Variants in DPP6 observed in about 807,000 individuals in gnomAD.
DPP6 encodes the protein dipeptidyl peptidase like 6, also known as A-type potassium channel modulatory protein DPP6.
Under a neutral mutation model 122.6 loss-of-function variants are expected in DPP6, and 69 were observed. That is an observed-to-expected ratio of 0.56 (90% CI 0.46 to 0.69). DPP6 has a LOEUF of 0.69. Among genes scored for constraint, DPP6 ranks in the 30% least tolerant of loss-of-function variants. The pLI, the probability that DPP6 is intolerant of heterozygous loss-of-function variation, is 0.00. For synonymous variants in DPP6, 418 were observed against 433.1 expected (o/e 0.97, Z 0.43); for missense variants, 928 against 1,116.9 (o/e 0.83, Z 2.41).
chr7:154,860,324 C>T (rs954763462), intron 17 of DPP6, among the ~76,000 whole-genome samples: 2 of 152,218 alleles, frequency 1.3e-5, no homozygotes, highest in Non-Finnish European at 2.9e-5. Flanking sequence ...CCACATGTCA[C>T]TGTCACGCTA....
chr7:154,219,533 G>A (rs1800185617), intron 1 of DPP6, among the ~76,000 whole-genome samples: 1 of 152,074 alleles, frequency 6.6e-6, no homozygotes, highest in Non-Finnish European at 1.5e-5. Flanking sequence ...GTTTAATATT[G>A]CAGCTGTCTT....
chr7:154,604,928 C>A lies in DPP6; in HGVS notation c.628-32893C>A, dbSNP rs12669416. Among the ~76,000 whole-genome samples the A allele has an allele frequency of 0.034, 4,122 of 119,626 alleles. 1,361 individuals are homozygous for A. In the East Asian group the frequency reaches 0.54, roughly 16 times the overall value. The allele number at this position is 119,626 out of a possible 152,430, so 78.5% of individuals were successfully genotyped here. A position where few individuals can be genotyped will look rare whatever the true frequency, so the allele number is the denominator to read the frequency against. On this transcript the variant is annotated intron_variant, in intron 5 of 25. Coordinates refer to ENST00000377770, the MANE Select transcript of DPP6 (RefSeq NM_130797.4). ...TTTCCATCCAATGTTAGCCCAGAAACCATGACAGCATGCACTTTAGTCTTC... is the reference window on the plus strand; with the variant it reads ...TTTCCATCCAATGTTAGCCCAGAAAACATGACAGCATGCACTTTAGTCTTC...
chr7:153,997,999 G>A (rs1797522818), intron 1 of DPP6, among the ~76,000 whole-genome samples: 1 of 151,608 alleles, frequency 6.6e-6, no homozygotes, highest in South Asian at 2.1e-4. Flanking sequence ...CCTGAAGAAA[G>A]GTCCAGCACC....
chr7:154,310,751 A>C (rs1025876411), intron 1 of DPP6, among the ~76,000 whole-genome samples: 3 of 152,192 alleles, frequency 2.0e-5, no homozygotes, highest in African/African-American at 7.2e-5. Flanking sequence ...AAGTGTTAAG[A>C]TGCTAATCAC....
intron 1 of DPP6, among the ~76,000 whole-genome samples, chr7:153,994,771 G>A (rs75053126): frequency 6.6e-6 from 1 of 151,774 alleles, no homozygotes; most frequent in Non-Finnish European, 1.5e-5. Context: ...TTGACTTAAG[G>A]TATAAATTAA....
intron 3 of DPP6, among the ~76,000 whole-genome samples, chr7:154,504,389 G>A (rs1021981239): frequency 5.3e-5 from 8 of 152,070 alleles, no homozygotes; most frequent in Admixed American, 5.2e-4. Context: ...TAATCTTATC[G>A]TGAGTGTAAA....
At chr7:154,709,819 C>T (rs550618677) in intron 7 of DPP6, among the ~76,000 whole-genome samples, 13 of 152,300 alleles carry the variant, frequency 8.5e-5, no homozygotes, top group African/African-American at 3.1e-4. Context: ...TCAGAAAAGA[C>T]TCAGAATTCC....
intron 1 of DPP6, among the ~76,000 whole-genome samples, chr7:154,098,231 T>C (rs1805472485): frequency 6.6e-6 from 1 of 152,198 alleles, no homozygotes; most frequent in South Asian, 2.1e-4. Flanking sequence ...TTTTCCCCTT[T>C]TGCTCAGCAC....
At chr7:153,818,179 C>T in the DPP6 span, among the ~76,000 whole-genome samples, 2 of 151,750 alleles carry the variant, frequency 1.3e-5, no homozygotes, top group Non-Finnish European at 1.5e-5. Flanking sequence ...AAACTTTATT[C>T]GTAACCAAGA....
chr7:154,542,111 C>T (rs553712711), intron 4 of DPP6, among the ~76,000 whole-genome samples: 26 of 152,190 alleles, frequency 1.7e-4, no homozygotes, highest in African/African-American at 5.8e-4. Flanking sequence ...GCATGCTGCC[C>T]CTAACATAGA....
intron 1 of DPP6, among the ~76,000 whole-genome samples, chr7:153,986,929 G>C (rs1250355307): frequency 6.6e-6 from 1 of 151,552 alleles, no homozygotes; most frequent in African/African-American, 2.4e-5. Flanking sequence ...TAATTTGAAT[G>C]AAGCTGTGAG....
chr7:154,231,903 G>A (rs1286895029), intron 1 of DPP6, among the ~76,000 whole-genome samples: 2 of 152,222 alleles, frequency 1.3e-5, no homozygotes, highest in African/African-American at 4.8e-5. Flanking sequence ...CTTCCTTGGA[G>A]ATGGCCATTC....
At chr7:154,140,085 G>T (rs1795769943) in intron 1 of DPP6, among the ~76,000 whole-genome samples, 1 of 152,192 alleles carries the variant, frequency 6.6e-6, no homozygotes, top group Non-Finnish European at 1.5e-5. Flanking sequence ...CACTGGTCAT[G>T]ATATCTTGGG....
intron 21 of DPP6, chr7:154,883,954 A>G (rs557595357): frequency 6.8e-6 from 1 of 147,822 alleles, no homozygotes; most frequent in South Asian, 2.1e-4. Context: ...ACACGCTGAC[A>G]CATGCTCACA....
chr7:154,630,938 TTAAAG>T (rs1835370307), intron 5 of DPP6, among the ~76,000 whole-genome samples: 1 of 152,078 alleles, frequency 6.6e-6, no homozygotes, highest in Non-Finnish European at 1.5e-5. Context: ...GTCCCAGAAC[TTAAAG>T]TAAAATTTAA....
intron 8 of DPP6, among the ~76,000 whole-genome samples, chr7:154,747,561 T>C (rs1346469558): frequency 6.6e-6 from 1 of 152,228 alleles, no homozygotes; most frequent in African/African-American, 2.4e-5. Context: ...ATCGCCATAC[T>C]GTGTTAGTCT....
At chr7:154,233,889 T>C (rs1801051247) in intron 1 of DPP6, among the ~76,000 whole-genome samples, 1 of 152,232 alleles carries the variant, frequency 6.6e-6, no homozygotes, top group Admixed American at 6.5e-5. Flanking sequence ...ACAACAGGTA[T>C]GATGATGCTC....
the DPP6 span, among the ~76,000 whole-genome samples, chr7:153,852,425 A>G: frequency 2.0e-5 from 3 of 152,104 alleles, no homozygotes; most frequent in African/African-American, 7.2e-5. Flanking sequence ...CAGGAGCAAG[A>G]GAGTGGGAGC....
chr7:154,313,409 CA>C (rs944028270), intron 1 of DPP6, among the ~76,000 whole-genome samples: 1 of 151,890 alleles, frequency 6.6e-6, no homozygotes, highest in African/African-American at 2.4e-5. Flanking sequence ...TGGAAAACAG[CA>C]ATGGGCTTGT....
Sources: allele counts gnomAD v4.1 joint callset (sites outside exome capture counted in the v4.1 genomes callset), GRCh38; gene constraint gnomAD v4.1.1; transcripts MANE v1.5; gene names NCBI Gene and HGNC (gene_info 2026-07-23, HGNC 2026-07-21).